ARHGAP17: variants seen among roughly 807,000 people sequenced by gnomAD.
ARHGAP17 encodes the protein rho GTPase-activating protein 17.
ARHGAP17 carries 57 observed loss-of-function variants against 99.5 expected under a neutral mutation model. That is an observed-to-expected ratio of 0.57 (90% CI 0.46 to 0.71). ARHGAP17 has a LOEUF of 0.71. Among genes scored for constraint, ARHGAP17 ranks in the 30% least tolerant of loss-of-function variants. The probability of loss-of-function intolerance (pLI) is 0.00; values close to 1 mark genes in which losing one functional copy is unlikely to be tolerated. For synonymous variants in ARHGAP17, 417 were observed against 429.6 expected (o/e 0.97, Z 0.36); for missense variants, 1,000 against 1,122.4 (o/e 0.89, Z 1.56).
chr16:24,961,818 G>A (rs1221305855), intron 7 of ARHGAP17, among the ~76,000 whole-genome samples: 1 of 150,480 alleles, frequency 6.6e-6, no homozygotes, highest in African/African-American at 2.4e-5. Context: ...ACAGATGTGA[G>A]CCACTGCACC....
chr16:24,949,721 G>C (rs1364660103), intron 12 of ARHGAP17, among the ~76,000 whole-genome samples: 4 of 152,206 alleles, frequency 2.6e-5, no homozygotes, highest in African/African-American at 9.6e-5. Context: ...TCTGCTGAAC[G>C]ATTTTGAGGC....
intron 6 of ARHGAP17, 107 bp downstream of exon 6, chr16:24,968,244 G>A: frequency 7.6e-7 from 1 of 1,312,082 alleles, no homozygotes; most frequent in Non-Finnish European, 1.1e-6. Flanking sequence ...CAGTCTGGGG[G>A]TCAAATGCAC....
chr16:24,983,003 T>TATATATATATATA (rs60797276), intron 1 of ARHGAP17, among the ~76,000 whole-genome samples: 1 of 41,524 alleles, frequency 2.4e-5, no homozygotes, highest in Non-Finnish European at 5.0e-5. Flanking sequence ...TATATTTTTT[T>TATATATATATATA]TTTTTTTTTT....
At chr16:24,923,642 C>T (rs557363129) in intron 19 of ARHGAP17, among the ~76,000 whole-genome samples, 1 of 151,362 alleles carries the variant, frequency 6.6e-6, no homozygotes, top group Non-Finnish European at 1.5e-5. Context: ...CGCTTGAGCC[C>T]AGGAGGTCAA....
chr16:24,950,913 C>A (rs1267161093), intron 12 of ARHGAP17, among the ~76,000 whole-genome samples: 14 of 151,412 alleles, frequency 9.2e-5, no homozygotes, highest in African/African-American at 3.2e-4. Flanking sequence ...GACTCACATC[C>A]ACTGAAGTGT....
intron 11 of ARHGAP17, 49 bp from the exon 12 acceptor site, chr16:24,952,419 G>A (rs1404692143): frequency 2.1e-6 from 3 of 1,424,306 alleles, no homozygotes; most frequent in Non-Finnish European, 2.9e-6. Context: ...GTAAGGCTAG[G>A]AATCTTGGGA....
intron 1 of ARHGAP17, among the ~76,000 whole-genome samples, chr16:24,994,168 T>C (rs898776974): frequency 4.6e-5 from 7 of 152,172 alleles, no homozygotes; most frequent in African/African-American, 1.7e-4. Context: ...TGAGGGATGA[T>C]GGTAGATTCT....
At position 24,977,206 on chromosome 16, in the gene ARHGAP17, G is replaced by A. The variant is rs761543627; in HGVS notation, c.198+9C>T. ...GGAACTGTGGGTCTGAGTCACATCT[G>A]ATACTCACGTGTCTCCTCTCGGCAT... is the stretch of plus-strand genomic sequence containing the variant. On this transcript the variant is annotated intron_variant, in intron 3 of 19. Transcript: ENST00000289968. 2 of 1,567,844 alleles carry A rather than the reference G, an allele frequency of 1.3e-6. No homozygotes were observed. Among genetic ancestry groups the A allele is most frequent in the South Asian group, 2.4e-5 (2 of 84,572 alleles).
In ARHGAP17 at chr16:24,939,524, C is replaced by T. The variant is rs145791095; in HGVS notation, c.1564G>A (p.Ala522Thr). 7,981 of 1,608,618 alleles carry T rather than the reference C, an allele frequency of 5.0e-3. 79 individuals carry two copies. Among genetic ancestry groups the T allele is most frequent in the Middle Eastern group, 0.03 (179 of 6,032 alleles). The change falls in exon 17 of 20, where the codon GCT becomes ACT. Residue 522 changes from alanine (A) to threonine (T), a missense_variant. By Grantham distance (58) the Ala-to-Thr change is moderately conservative. This residue lies in a region of ARHGAP17 where 528 missense variants were observed against 511.4 expected (regional missense o/e 1.03). Transcript: ENST00000289968. ...GTLNRKHISP[A>T]FQPPLPPTDG... The stretch of plus-strand genomic sequence containing the variant: ...GTGGGCGGAAGTGGCGGCTGGAAAG[C>T]GGGGGATATGTGCTTTCTATTTAGA...
At chr16:24,921,390 G>A (rs1051384780) in intron 19 of ARHGAP17, among the ~76,000 whole-genome samples, 7 of 152,208 alleles carry the variant, frequency 4.6e-5, no homozygotes, top group South Asian at 2.1e-4. Context: ...GGAGTGGGAG[G>A]AGGAGGTGGT....
intron 19 of ARHGAP17, among the ~76,000 whole-genome samples, chr16:24,922,604 T>C (rs2050745030): frequency 6.6e-6 from 1 of 151,914 alleles, no homozygotes; most frequent in Non-Finnish European, 1.5e-5. Flanking sequence ...ACACAAAAAG[T>C]AGAAAGAATT....
chr16:24,939,234 G>T, intron 17 of ARHGAP17, 130 bp downstream of exon 17: 1 of 781,056 alleles, frequency 1.3e-6, no homozygotes, highest in Non-Finnish European at 1.9e-6. Flanking sequence ...CCAACCAGAG[G>T]AGTGAAAGTA....
At chr16:24,994,899 T>C (rs899963269) in intron 1 of ARHGAP17, among the ~76,000 whole-genome samples, 1 of 152,198 alleles carries the variant, frequency 6.6e-6, no homozygotes, top group African/African-American at 2.4e-5. Flanking sequence ...ACATTGCTAA[T>C]AAAGACATAC....
chr16:24,998,627 C>A (rs954440494), intron 1 of ARHGAP17, among the ~76,000 whole-genome samples: 1 of 152,184 alleles, frequency 6.6e-6, no homozygotes, highest in Admixed American at 6.5e-5. Context: ...GAAAACTAAG[C>A]CAAGCGCTGG....
intron 1 of ARHGAP17, among the ~76,000 whole-genome samples, chr16:25,009,399 G>A (rs2053587616): frequency 6.6e-6 from 1 of 151,370 alleles, no homozygotes; most frequent in Non-Finnish European, 1.5e-5. Flanking sequence ...GGAAGGAAAG[G>A]TAGAGTGAAG....
At chr16:24,950,666 C>T (rs1385204960) in intron 12 of ARHGAP17, among the ~76,000 whole-genome samples, 3 of 151,814 alleles carry the variant, frequency 2.0e-5, no homozygotes, top group Non-Finnish European at 4.4e-5. Flanking sequence ...GAAACCTTGT[C>T]TCTACTAAAA....
At chr16:25,006,525 G>A (rs1164009211) in intron 1 of ARHGAP17, among the ~76,000 whole-genome samples, 1 of 152,128 alleles carries the variant, frequency 6.6e-6, no homozygotes, top group Non-Finnish European at 1.5e-5. Flanking sequence ...AGATGATGGA[G>A]GAAAAAGAAT....
intron 6 of ARHGAP17, among the ~76,000 whole-genome samples, chr16:24,966,790 C>G (rs145254068): frequency 6.6e-6 from 1 of 152,104 alleles, no homozygotes; most frequent in Non-Finnish European, 1.5e-5. Context: ...GTACACATGA[C>G]CAGGAGACTG....
chr16:25,014,852 C>A (rs946740854), intron 1 of ARHGAP17, among the ~76,000 whole-genome samples: 2 of 152,212 alleles, frequency 1.3e-5, no homozygotes, highest in African/African-American at 4.8e-5. Flanking sequence ...CCCAGGGCAG[C>A]GATCCCAGCT....
Sources: gnomAD v4.1 joint callset for allele counts (sites outside exome capture counted in the v4.1 genomes callset) on GRCh38, gnomAD v4.1.1 for gene constraint, gnomAD v4.1.1 regional missense constraint, MANE v1.5 for transcripts, NCBI Gene and HGNC (gene_info 2026-07-23, HGNC 2026-07-21) for gene names.